Variants in SMCO4 observed in about 807,000 individuals in gnomAD.
The protein encoded by SMCO4 is single-pass membrane and coiled-coil domain-containing protein 4.
SMCO4 carries 4 observed loss-of-function variants against 3.6 expected under a neutral mutation model. That is an observed-to-expected ratio of 1.11 (90% CI 0.54 to 2.53). The LOEUF is 2.53. Ranked by LOEUF, SMCO4 falls within the 30% of genes most tolerant of loss-of-function variation. The pLI, the probability that SMCO4 is intolerant of heterozygous loss-of-function variation, is 0.02. For missense variants in SMCO4, 70 were observed against 80.8 expected (o/e 0.87, Z 0.51); for synonymous variants, 36 against 35.3 (o/e 1.02, Z -0.07).
At chr11:93,540,464 A>G (rs1198994532) in intron 1 of SMCO4, among the ~76,000 whole-genome samples, 1 of 152,206 alleles carries the variant, frequency 6.6e-6, no homozygotes, top group Non-Finnish European at 1.5e-5. Context: ...CAGAGTCTAC[A>G]AGTGTTTATG....
the SMCO4 span, among the ~76,000 whole-genome samples, chr11:93,551,894 T>C: frequency 6.6e-6 from 1 of 152,172 alleles, no homozygotes; most frequent in African/African-American, 2.4e-5. Flanking sequence ...GTAGAAGTAC[T>C]TCCTGAAACT....
At chr11:93,543,170 T>A (rs1949285976) in intron 1 of SMCO4, 106 bp downstream of exon 1, 3 of 147,158 alleles carry the variant, frequency 2.0e-5, no homozygotes, top group Middle Eastern at 7.1e-3. Context: ...GGAACCGTAC[T>A]GTCCCGGCGC....
At chr11:93,502,063 A>T (rs1464884457) in intron 1 of SMCO4, among the ~76,000 whole-genome samples, 1 of 151,710 alleles carries the variant, frequency 6.6e-6, no homozygotes, top group African/African-American at 2.4e-5. Flanking sequence ...CTGTTCCCTT[A>T]GCCTTTCCCA....
At chr11:93,482,311 G>A (rs1274666826) in intron 2 of SMCO4, among the ~76,000 whole-genome samples, 2 of 152,192 alleles carry the variant, frequency 1.3e-5, no homozygotes, top group East Asian at 3.9e-4. Flanking sequence ...AGCCAGGGAG[G>A]GCATGGGCAC....
rs765154063 is a variant in SMCO4 at position 93,524,655 on chromosome 11, A to T, written c.-154+18621T>A. 4.3e-4 allele frequency among the ~76,000 whole-genome samples: 65 copies of T among 152,232 alleles called. 2 individuals are homozygous for T. The South Asian group carries it at 5.6e-3, about 13-fold the overall frequency. ...GCTTATGGGGACAAACTGAAGAGAA[A>T]GGCAAAACACACACTCCCCGCTACA... On this transcript the variant is annotated intron_variant, in intron 1 of 2. Coordinates refer to ENST00000298966, the MANE Select transcript of SMCO4 (RefSeq NM_020179.3).
intron 1 of SMCO4, among the ~76,000 whole-genome samples, chr11:93,514,697 A>G (rs566168074): frequency 1.7e-4 from 26 of 152,282 alleles, no homozygotes; most frequent in East Asian, 3.9e-4. Flanking sequence ...TTCAATTAAT[A>G]GCTGATTAAA....
At chr11:93,498,716 T>C (rs1206904893) in intron 2 of SMCO4, among the ~76,000 whole-genome samples, 2 of 152,246 alleles carry the variant, frequency 1.3e-5, no homozygotes, top group Non-Finnish European at 2.9e-5. Flanking sequence ...AAGATCATAA[T>C]GTATTTAAGA....
At chr11:93,511,831 C>T (rs1948960019) in intron 1 of SMCO4, among the ~76,000 whole-genome samples, 1 of 152,198 alleles carries the variant, frequency 6.6e-6, no homozygotes, top group Non-Finnish European at 1.5e-5. Context: ...TCTGAAAGTG[C>T]TCAGTGAGCT....
At chr11:93,510,734 G>A (rs935255505) in intron 1 of SMCO4, among the ~76,000 whole-genome samples, 2 of 152,102 alleles carry the variant, frequency 1.3e-5, no homozygotes, top group Admixed American at 1.3e-4. Flanking sequence ...AAGGACTAAG[G>A]GCCTGCCCAA....
intron 1 of SMCO4, chr11:93,535,566 T>A (rs1003197223): frequency 9.4e-6 from 14 of 1,494,306 alleles, no homozygotes; most frequent in African/African-American, 2.8e-5. Flanking sequence ...TGAAGAAGTA[T>A]GACAGTCGAA....
intron 2 of SMCO4, among the ~76,000 whole-genome samples, chr11:93,482,847 C>CA (rs1565371704): frequency 6.6e-6 from 1 of 152,166 alleles, no homozygotes; most frequent in East Asian, 1.9e-4. Context: ...AGCACCAGGG[C>CA]AGAAAACTGC....
At chr11:93,539,818 T>C (rs1305519375) in intron 1 of SMCO4, among the ~76,000 whole-genome samples, 5 of 151,908 alleles carry the variant, frequency 3.3e-5, no homozygotes, top group Admixed American at 3.3e-4. Context: ...AACAGAAATT[T>C]CCCCCACACC....
intron 2 of SMCO4, among the ~76,000 whole-genome samples, chr11:93,487,092 G>GC (rs955695843): frequency 6.6e-6 from 1 of 152,194 alleles, no homozygotes; most frequent in Non-Finnish European, 1.5e-5. Context: ...CAGGGAAGCT[G>GC]CCCTGGGTTC....
At chr11:93,512,014 A>T (rs1013056338) in intron 1 of SMCO4, among the ~76,000 whole-genome samples, 8 of 152,140 alleles carry the variant, frequency 5.3e-5, no homozygotes, top group African/African-American at 1.9e-4. Flanking sequence ...CATTTACTTC[A>T]GTGTTTAGTA....
intron 2 of SMCO4, among the ~76,000 whole-genome samples, chr11:93,479,596 G>A (rs947238309): frequency 3.3e-5 from 5 of 152,174 alleles, no homozygotes; most frequent in East Asian, 1.9e-4. Flanking sequence ...TCAGAGGAGC[G>A]GCTCTCCCTT....
intron 2 of SMCO4, among the ~76,000 whole-genome samples, chr11:93,487,094 C>G (rs1948659233): frequency 6.6e-6 from 1 of 152,114 alleles, no homozygotes; most frequent in South Asian, 2.1e-4. Flanking sequence ...GGGAAGCTGC[C>G]CTGGGTTCAG....
At chr11:93,509,485 A>G (rs145774859) in intron 1 of SMCO4, among the ~76,000 whole-genome samples, 2,191 of 152,292 alleles carry the variant, frequency 0.014, 107 homozygotes, top group East Asian at 0.14. Context: ...CCAGAGGAAA[A>G]GAAGTCATTA....
At chr11:93,521,464 C>T (rs1949058018) in intron 1 of SMCO4, among the ~76,000 whole-genome samples, 1 of 152,136 alleles carries the variant, frequency 6.6e-6, no homozygotes, top group Non-Finnish European at 1.5e-5. Flanking sequence ...GAGGTAGGTA[C>T]CCTCATCATA....
At position 93,484,688 on chromosome 11, in the gene SMCO4, C is replaced by CTT. The variant is rs10707335; in HGVS notation, c.-80-5421_-80-5420dup. The stretch of plus-strand genomic sequence containing the variant: ...TGAATCTGGGAAACACCAGGGAATT[C>CTT]TTTTTTTTTTTTTTTGCACCATATA... On this transcript the variant is annotated intron_variant, in intron 2 of 2. Transcript: ENST00000298966. 1.4e-3 allele frequency among the ~76,000 whole-genome samples: 206 copies of CTT among 143,842 alleles called. 1 individual carries two copies. Among genetic ancestry groups the CTT allele is most frequent in the South Asian group, 2.7e-3 (12 of 4,440 alleles). The allele number at this position is 143,842 out of a possible 152,430, so 94.4% of individuals were successfully genotyped here. A position where few individuals can be genotyped will look rare whatever the true frequency, so the allele number is the denominator to read the frequency against.
Sources: gnomAD v4.1 joint callset for allele counts (sites outside exome capture counted in the v4.1 genomes callset) on GRCh38, gnomAD v4.1.1 for gene constraint, MANE v1.5 for transcripts, NCBI Gene and HGNC (gene_info 2026-07-23, HGNC 2026-07-21) for gene names.